The following ANGPT2 variants were observed in gnomAD, a reference collection of about 807,000 sequenced individuals.
ANGPT2 encodes the protein angiopoietin-2.
In ANGPT2, 28 loss-of-function variants were observed where a neutral mutation model predicts 62.9. The ratio of observed to expected loss-of-function variants is 0.44; its 90% CI spans 0.33 to 0.61. The LOEUF is 0.61. Among genes scored for constraint, ANGPT2 ranks in the 20% least tolerant of loss-of-function variants. ANGPT2 has a pLI of 0.03. For synonymous variants in ANGPT2, 284 were observed against 207.8 expected (o/e 1.37, Z -3.15); for missense variants, 727 against 594.9 (o/e 1.22, Z -2.31).
intron 7 of ANGPT2, among the ~76,000 whole-genome samples, 191 bp downstream of exon 7, chr8:6,513,487 C>T (rs1042366736): frequency 2.0e-5 from 3 of 152,114 alleles, no homozygotes; most frequent in Non-Finnish European, 4.4e-5. Context: ...CGCCCACCAC[C>T]ACACCTGGCT....
At chr8:6,540,321 A>G (rs10099687) in intron 1 of ANGPT2, among the ~76,000 whole-genome samples, 3 of 152,318 alleles carry the variant, frequency 2.0e-5, no homozygotes, top group Admixed American at 6.5e-5. Context: ...TTTATTTTCT[A>G]CTGATAAAGT....
At chr8:6,528,827 C>A (rs1448587470) in intron 2 of ANGPT2, among the ~76,000 whole-genome samples, 1 of 152,220 alleles carries the variant, frequency 6.6e-6, no homozygotes, top group Non-Finnish European at 1.5e-5. Flanking sequence ...CTTGGCTGGT[C>A]CACAGCGTGG....
intron 1 of ANGPT2, 130 bp from the exon 2 acceptor site, chr8:6,532,617 C>A (rs1819739407): frequency 6.0e-6 from 4 of 670,298 alleles, no homozygotes; most frequent in African/African-American, 4.4e-5. Flanking sequence ...TGTACCTTGC[C>A]TTCCTTTTGG....
intron 8 of ANGPT2, among the ~76,000 whole-genome samples, chr8:6,504,063 A>T (rs1256076256): frequency 1.3e-5 from 2 of 152,212 alleles, no homozygotes; most frequent in African/African-American, 4.8e-5. Flanking sequence ...TCACGCCTGT[A>T]ATCCCAGCAC....
chr8:6,539,544 A>T (rs186417848), intron 1 of ANGPT2, among the ~76,000 whole-genome samples: 1 of 152,052 alleles, frequency 6.6e-6, no homozygotes. Flanking sequence ...CCTGAAATGG[A>T]TCTGTTCTGA....
At chr8:6,531,294 T>TTTCTTTC (rs11385953) in intron 2 of ANGPT2, among the ~76,000 whole-genome samples, 4 of 122,988 alleles carry the variant, frequency 3.3e-5, no homozygotes, top group South Asian at 2.4e-4. Context: ...TCTTTCTTTC[T>TTTCTTTC]TTTTTTTTTT....
intron 1 of ANGPT2, among the ~76,000 whole-genome samples, chr8:6,550,538 C>T (rs1823456600): frequency 1.3e-5 from 2 of 152,218 alleles, no homozygotes; most frequent in Non-Finnish European, 2.9e-5. Context: ...CCCAGATTTT[C>T]CACATTTGTT....
At chr8:6,549,370 T>G (rs1329605688) in intron 1 of ANGPT2, among the ~76,000 whole-genome samples, 2 of 152,216 alleles carry the variant, frequency 1.3e-5, no homozygotes, top group Non-Finnish European at 2.9e-5. Flanking sequence ...ATTGTTCCAA[T>G]TACATGACAT....
At chr8:6,552,862 A>T (rs753747688) in intron 1 of ANGPT2, among the ~76,000 whole-genome samples, 18 of 152,132 alleles carry the variant, frequency 1.2e-4, no homozygotes, top group Admixed American at 1.1e-3. Flanking sequence ...CCAGTCCGAA[A>T]AGGCTGTATA....
intron 1 of ANGPT2, among the ~76,000 whole-genome samples, chr8:6,535,520 G>C (rs951443704): frequency 6.6e-6 from 1 of 152,152 alleles, no homozygotes; most frequent in Non-Finnish European, 1.5e-5. Context: ...GTCCATTTAT[G>C]TTAATCTTAC....
chr8:6,519,837 G>C (rs1467326441), intron 5 of ANGPT2, 27 bp downstream of exon 5: 6 of 1,611,182 alleles, frequency 3.7e-6, no homozygotes, highest in East Asian at 4.5e-5. Flanking sequence ...GAGCCAGGGA[G>C]TTAGTAAGGG....
intron 5 of ANGPT2, among the ~76,000 whole-genome samples, chr8:6,516,785 T>C (rs2442626): frequency 0.061 from 9,214 of 152,268 alleles, 311 homozygotes; most frequent in African/African-American, 0.079. Flanking sequence ...GATTCTTCAG[T>C]GTCAAAATTA....
In ANGPT2 at chr8:6,502,639, C is replaced by A. The variant is rs1310675876; in HGVS notation, c.*462G>T. On this transcript the variant is annotated 3_prime_UTR_variant, in exon 9 of 9. Coordinates refer to ENST00000629816, the MANE Select transcript of ANGPT2 (RefSeq NM_001118887.2). The stretch of plus-strand genomic sequence containing the variant: ...TTTTTATGGCTTAGAGAGTTTTTTT[C>A]TTCCTTTTAATTGTGATAGTGATGG... 2 of 153,028 alleles carry A rather than the reference C, an allele frequency of 1.3e-5. No individual in the cohort carries two copies. The highest frequency in any genetic ancestry group is 2.4e-5 in the African/African-American group (1 of 41,430). 9.5% of individuals were successfully genotyped at this position (153,028 alleles called of 1,614,324 possible).
At chr8:6,530,348 A>G (rs1314614870) in intron 2 of ANGPT2, among the ~76,000 whole-genome samples, 1 of 152,010 alleles carries the variant, frequency 6.6e-6, no homozygotes, top group Non-Finnish European at 1.5e-5. Context: ...TCTCTACTAA[A>G]AATACAGAAA....
At chr8:6,549,589 C>G (rs563763433) in intron 1 of ANGPT2, among the ~76,000 whole-genome samples, 1 of 151,820 alleles carries the variant, frequency 6.6e-6, no homozygotes, top group African/African-American at 2.4e-5. Flanking sequence ...GGCGGGAAGC[C>G]TTCTGCATCT....
rs546399012 is a variant in ANGPT2 at position 6,527,962 on chromosome 8, C to A, written c.445-286G>T. 5.4e-5 allele frequency among the ~76,000 whole-genome samples: 8 copies of A among 147,052 alleles called. No individual in the cohort carries two copies. The East Asian group carries it at 1.6e-3, about 30-fold the overall frequency. On this transcript the variant is annotated intron_variant, in intron 2 of 8. Coordinates refer to ENST00000629816, the MANE Select transcript of ANGPT2 (RefSeq NM_001118887.2). ...CCGGGGTGGAGTGCAGTGGCATGAT[C>A]TCGGCTCACTGCAACCTCCGCCTCC... is the stretch of plus-strand genomic sequence containing the variant.
At chr8:6,533,333 G>A (rs1019702040) in intron 1 of ANGPT2, among the ~76,000 whole-genome samples, 7 of 152,202 alleles carry the variant, frequency 4.6e-5, no homozygotes, top group Non-Finnish European at 5.9e-5. Flanking sequence ...ACATGATTAT[G>A]TATAACTGCA....
In ANGPT2 at chr8:6,504,078, GGAGGCC is replaced by G. The variant is rs559991557; in HGVS notation, c.1328-823_1328-818del. ...TCACGCCTGTAATCCCAGCACTTTG[GGAGGCC>G]GAGGTGGGTGGATCACGAGATCAGG... On this transcript the variant is annotated intron_variant, in intron 8 of 8. Transcript: ENST00000629816. Among the ~76,000 whole-genome samples, 342 of 152,282 alleles carry G rather than the reference GGAGGCC, an allele frequency of 2.2e-3. 10 individuals carry two copies. The South Asian group carries it at 0.048, about 21-fold the overall frequency.
chr8:6,517,470 A>C (rs1279747652), intron 5 of ANGPT2, among the ~76,000 whole-genome samples: 2 of 152,266 alleles, frequency 1.3e-5, no homozygotes, highest in Non-Finnish European at 2.9e-5. Context: ...TAGAAGAACC[A>C]AATGAATTTT....
Sources: allele counts gnomAD v4.1 joint callset (sites outside exome capture counted in the v4.1 genomes callset), GRCh38; gene constraint gnomAD v4.1.1; transcripts MANE v1.5; gene names NCBI Gene and HGNC (gene_info 2026-07-23, HGNC 2026-07-21).